EIF2A: variants seen among roughly 807,000 people sequenced by gnomAD.
EIF2A encodes the protein eukaryotic translation initiation factor 2A.
In EIF2A, 62 loss-of-function variants were observed where a neutral mutation model predicts 75.2. That is an observed-to-expected ratio of 0.82 (90% CI 0.67 to 1.02). The LOEUF (loss-of-function observed/expected upper bound fraction) is 1.02. Among genes scored for constraint, EIF2A ranks in the 50% least tolerant of loss-of-function variants. The pLI is 0.00. For synonymous variants in EIF2A, 207 were observed against 239.0 expected (o/e 0.87, Z 1.23); for missense variants, 611 against 677.7 (o/e 0.90, Z 1.09).
chr3:150,568,602 T>C (rs1447140341), intron 9 of EIF2A, among the ~76,000 whole-genome samples: 1 of 152,216 alleles, frequency 6.6e-6, no homozygotes, highest in Non-Finnish European at 1.5e-5. Flanking sequence ...TGCTTAATAC[T>C]GTCTTTAGAA....
chr3:150,564,579 CTT>C, intron 6 of EIF2A, 198 bp downstream of exon 6: 1 of 393,798 alleles, frequency 2.5e-6, no homozygotes, highest in African/African-American at 2.1e-5. Context: ...TTTACAATAA[CTT>C]TTTATTATCT....
intron 11 of EIF2A, among the ~76,000 whole-genome samples, chr3:150,579,573 G>A (rs1725055485): frequency 6.6e-6 from 1 of 152,052 alleles, no homozygotes; most frequent in African/African-American, 2.4e-5. Flanking sequence ...GCTGGGTGTG[G>A]TAGCAGGTGC....
At chr3:150,564,259 T>C in intron 5 of EIF2A, 40 bp from the exon 6 acceptor site, 1 of 1,440,110 alleles carries the variant, frequency 6.9e-7, no homozygotes, top group East Asian at 2.4e-5. Flanking sequence ...ACATTCTGTC[T>C]GAATATTTTT....
rs1724275670 is a variant in EIF2A at position 150,567,898 on chromosome 3, T to A, written c.550-4T>A. The A allele has an allele frequency of 6.2e-7, 1 of 1,600,968 alleles. No individual in the cohort carries two copies. The highest frequency in any genetic ancestry group is 1.8e-5 in the Admixed American group (1 of 56,126). ...AAGTAATGATTTATGTCTATGTATC[T>A]TAGGTGGCTGTCTATGTTCCAGGAA... On this transcript the variant is annotated splice_region_variant and splice_polypyrimidine_tract_variant and intron_variant, in intron 7 of 13. Transcript: ENST00000460851.
At chr3:150,550,389 T>A (rs1723254836) in intron 1 of EIF2A, among the ~76,000 whole-genome samples, 1 of 152,254 alleles carries the variant, frequency 6.6e-6, no homozygotes, top group African/African-American at 2.4e-5. Flanking sequence ...TTATTTTTGC[T>A]TTTATTAGTT....
intron 6 of EIF2A, chr3:150,566,553 A>G (rs1724193315): frequency 6.6e-6 from 1 of 151,874 alleles, no homozygotes; most frequent in Non-Finnish European, 1.5e-5. Context: ...TTTTATTTAA[A>G]TTAAAGTTTT....
At chr3:150,581,332 CAT>C (rs1396513097) in intron 11 of EIF2A, among the ~76,000 whole-genome samples, 2 of 152,118 alleles carry the variant, frequency 1.3e-5, no homozygotes, top group Non-Finnish European at 2.9e-5. Context: ...AAAGCCCTCT[CAT>C]ATGTTCAAAC....
intron 4 of EIF2A, 108 bp downstream of exon 4, chr3:150,562,768 G>A (rs1287010220): frequency 1.5e-5 from 11 of 738,164 alleles, no homozygotes; most frequent in Admixed American, 1.5e-4. Flanking sequence ...TAGTCTTTAT[G>A]ATAGTAAATA....
At chr3:150,577,327 T>C (rs1422070905) in intron 11 of EIF2A, among the ~76,000 whole-genome samples, 1 of 151,784 alleles carries the variant, frequency 6.6e-6, no homozygotes, top group Non-Finnish European at 1.5e-5. Flanking sequence ...AGCAGTGGGG[T>C]AGGGTTTTTG....
intron 1 of EIF2A, among the ~76,000 whole-genome samples, chr3:150,547,743 A>G (rs1202869091): frequency 6.6e-6 from 1 of 152,132 alleles, no homozygotes; most frequent in Non-Finnish European, 1.5e-5. Flanking sequence ...CTACATTTCT[A>G]TTTTTACATT....
intron 3 of EIF2A, among the ~76,000 whole-genome samples, chr3:150,559,498 C>CT (rs36038911): frequency 0.48 from 52,899 of 110,490 alleles, 13,886 homozygotes; most frequent in Non-Finnish European, 0.51. Context: ...ATGCCCAGCC[C>CT]TTTTTTTTTT....
chr3:150,549,248 C>T (rs1253252388), intron 1 of EIF2A, among the ~76,000 whole-genome samples: 1 of 135,914 alleles, frequency 7.4e-6, no homozygotes, highest in Admixed American at 7.9e-5. Flanking sequence ...GAGATAGTTT[C>T]GCTCTTGTTG....
intron 11 of EIF2A, among the ~76,000 whole-genome samples, chr3:150,579,972 C>T (rs550388847): frequency 9.2e-4 from 124 of 134,282 alleles, no homozygotes; most frequent in African/African-American, 3.2e-3. Flanking sequence ...ATTTTTTCCC[C>T]TCTTACCAAA....
At chr3:150,571,029 A>G (rs898454522) in intron 9 of EIF2A, among the ~76,000 whole-genome samples, 7 of 151,824 alleles carry the variant, frequency 4.6e-5, no homozygotes, top group African/African-American at 1.2e-4. Context: ...CCGTGCCACT[A>G]AACTCCAGAC....
At chr3:150,555,313 A>G (rs1320469342) in intron 2 of EIF2A, among the ~76,000 whole-genome samples, 4 of 151,366 alleles carry the variant, frequency 2.6e-5, no homozygotes, top group Non-Finnish European at 5.9e-5. Context: ...CTGGAGTGCA[A>G]TGGTACAATC....
At chr3:150,555,591 C>G (rs560707721) in intron 2 of EIF2A, among the ~76,000 whole-genome samples, 11 of 151,226 alleles carry the variant, frequency 7.3e-5, no homozygotes, top group Non-Finnish European at 7.4e-5. Context: ...AAGCACTACT[C>G]TAGAAAACCC....
chr3:150,582,378 G>C (rs61667461), intron 12 of EIF2A, among the ~76,000 whole-genome samples: 8 of 145,850 alleles, frequency 5.5e-5, no homozygotes, highest in Non-Finnish European at 1.1e-4. Context: ...GCAGTGGCGC[G>C]ATCTCGGCTC....
Position 150,564,291 on chromosome 3 carries a change from TG to T in EIF2A, c.393-7del. 1 of 1,543,834 alleles carries T rather than the reference TG, an allele frequency of 6.5e-7. No homozygotes were observed. Among genetic ancestry groups the T allele is most frequent in the South Asian group, 1.3e-5 (1 of 78,950 alleles). On this transcript the variant is annotated splice_region_variant and splice_polypyrimidine_tract_variant and intron_variant, in intron 5 of 13. Transcript: ENST00000460851. ...TTTTTATACTTTTTTTTTTTTTCAT[TG>T]ACATAGGTGTCCATCCTGGTCAGAA... is the stretch of plus-strand genomic sequence containing the variant.
At chr3:150,549,282 G>A (rs1345448288) in intron 1 of EIF2A, among the ~76,000 whole-genome samples, 2 of 149,422 alleles carry the variant, frequency 1.3e-5, no homozygotes, top group African/African-American at 2.5e-5. Flanking sequence ...GCAATGGCGC[G>A]ATCTTGGCTC....
Sources: gnomAD v4.1 joint callset for allele counts (sites outside exome capture counted in the v4.1 genomes callset) on GRCh38, gnomAD v4.1.1 for gene constraint, MANE v1.5 for transcripts, NCBI Gene and HGNC (gene_info 2026-07-23, HGNC 2026-07-21) for gene names.